Variants in MCC observed in about 807,000 individuals in gnomAD.
MCC encodes colorectal mutant cancer protein.
A neutral mutation model predicts 116.2 loss-of-function variants in MCC; 90 were observed. That is an observed-to-expected ratio of 0.77 (90% confidence interval 0.65 to 0.92). The LOEUF (loss-of-function observed/expected upper bound fraction) is 0.92, where lower values mean the gene tolerates loss of function less well. MCC is among the 40% of genes least tolerant of loss of function. MCC has a pLI of 0.00. For missense variants in MCC, 1,516 were observed against 1,312.2 expected (o/e 1.16, Z -2.40); for synonymous variants, 578 against 510.5 (o/e 1.13, Z -1.78).
At chr5:113,487,156 A>AT (rs572872416) in intron 1 of MCC, among the ~76,000 whole-genome samples, 137 of 151,138 alleles carry the variant, frequency 9.1e-4, no homozygotes, top group African/African-American at 3.0e-3. Flanking sequence ...CAAATAAATA[A>AT]TTTTTTTTAT....
chr5:113,129,974 C>A (rs1417595085), intron 5 of MCC, among the ~76,000 whole-genome samples: 1 of 152,180 alleles, frequency 6.6e-6, no homozygotes, highest in Non-Finnish European at 1.5e-5. Context: ...ACCCAGCAAT[C>A]CCATTACTGG....
chr5:113,267,492 C>T (rs1019598533), intron 3 of MCC, among the ~76,000 whole-genome samples: 1 of 152,168 alleles, frequency 6.6e-6, no homozygotes, highest in Non-Finnish European at 1.5e-5. Flanking sequence ...CTATCATTCC[C>T]ATTTAATAGG....
At chr5:113,027,982 C>T (rs1470367429) in intron 18 of MCC, among the ~76,000 whole-genome samples, 1 of 152,148 alleles carries the variant, frequency 6.6e-6, no homozygotes, top group Non-Finnish European at 1.5e-5. Flanking sequence ...TTAAATTAGG[C>T]CATAAGCCAA....
chr5:113,211,483 C>T (rs1253036864), intron 3 of MCC, among the ~76,000 whole-genome samples: 1 of 152,198 alleles, frequency 6.6e-6, no homozygotes, highest in Non-Finnish European at 1.5e-5. Context: ...TGTAATGGTG[C>T]CCACAGCTTG....
chr5:113,369,642 C>A (rs562618968), intron 2 of MCC, among the ~76,000 whole-genome samples: 149 of 152,198 alleles, frequency 9.8e-4, no homozygotes, highest in Non-Finnish European at 1.6e-3. Context: ...GTTGTTTCCA[C>A]CTTTGGGCTA....
Position 113,434,458 on chromosome 5 carries a change from G to C in MCC, c.171-49246C>G, listed in dbSNP as rs1263228854. The C allele has an allele frequency of 6.2e-7, 1 of 1,613,698 alleles. No individual in the cohort carries two copies. The highest frequency in any genetic ancestry group is 1.7e-5 in the Admixed American group (1 of 59,984). On this transcript the variant is annotated intron_variant, in intron 1 of 18. Coordinates refer to ENST00000408903, the MANE Select transcript of MCC (RefSeq NM_001085377.2). The surrounding 1 kb of genome is among the most constrained non-coding windows in gnomAD (Gnocchi z 4.2). ...TCCCGGTGGACGACGTCCAGGTCGTGGCAGTACTTGATGGCCAAGGAAAGC... is the reference window on the plus strand; with the variant it reads ...TCCCGGTGGACGACGTCCAGGTCGTCGCAGTACTTGATGGCCAAGGAAAGC...
chr5:113,067,985 G>T (rs1323628062), intron 13 of MCC, 95 bp downstream of exon 13: 1 of 1,074,748 alleles, frequency 9.3e-7, no homozygotes, highest in Non-Finnish European at 1.4e-6. Flanking sequence ...ATTTTGTGTT[G>T]TCGGGAGATG....
chr5:113,025,969 T>C lies in MCC; in HGVS notation c.*1333A>G. ...CACATTTTTCATAGGGAACTTTGGATGGATTCTCTGGTGCTACAGAAAAAA... is the reference window on the plus strand; with the variant it reads ...CACATTTTTCATAGGGAACTTTGGACGGATTCTCTGGTGCTACAGAAAAAA... On this transcript the variant is annotated 3_prime_UTR_variant, in exon 19 of 19. Coordinates refer to ENST00000408903, the MANE Select transcript of MCC (RefSeq NM_001085377.2). 6.6e-6 allele frequency: 1 copy of C among 152,344 alleles called. No homozygotes were observed. Among genetic ancestry groups the C allele is most frequent in the Non-Finnish European group, 1.5e-5 (1 of 68,040 alleles). The allele number at this position is 152,344 out of a possible 1,614,324, so 9.4% of individuals were successfully genotyped here.
chr5:113,247,343 C>T (rs1454061304), intron 3 of MCC, among the ~76,000 whole-genome samples: 1 of 152,090 alleles, frequency 6.6e-6, no homozygotes, highest in Non-Finnish European at 1.5e-5. Flanking sequence ...TATAGCACCC[C>T]CAGCACACAA....
intron 1 of MCC, chr5:113,436,915 C>A (rs997579870): frequency 7.2e-5 from 11 of 152,270 alleles, no homozygotes; most frequent in African/African-American, 2.6e-4. Context: ...AGTTGTCCCT[C>A]CTTTTCTGAC....
At chr5:113,135,827 T>C (rs1344846851) in intron 5 of MCC, among the ~76,000 whole-genome samples, 1 of 152,082 alleles carries the variant, frequency 6.6e-6, no homozygotes, top group Non-Finnish European at 1.5e-5. Context: ...GCAGATCACC[T>C]GAGGCCAGGA....
At chr5:113,365,997 C>A (rs569830997) in intron 2 of MCC, among the ~76,000 whole-genome samples, 2 of 152,314 alleles carry the variant, frequency 1.3e-5, no homozygotes, top group East Asian at 3.9e-4. Flanking sequence ...TACAATTCAA[C>A]ATGAGATTTG....
chr5:113,396,170 A>T (rs1315286445), intron 1 of MCC, among the ~76,000 whole-genome samples: 1 of 152,184 alleles, frequency 6.6e-6, no homozygotes, highest in African/African-American at 2.4e-5. Context: ...TCCACAAAAA[A>T]TACAAACATT....
At chr5:113,044,601 T>C in intron 16 of MCC, 1 of 426,746 alleles carries the variant, frequency 2.3e-6, no homozygotes, top group Non-Finnish European at 3.1e-6. Context: ...TGAGATGGAG[T>C]TTTGCTCTCG....
At position 113,323,103 on chromosome 5, in the gene MCC, C is replaced by T. The variant is rs1767467122; in HGVS notation, c.627+17416G>A. ...CACATCATGAGGAACTAACCAAGCA[C>T]TAACTTGCCTGGTGTTTCAATAGGC... On this transcript the variant is annotated intron_variant, in intron 3 of 18. Transcript: ENST00000408903. 3 of 152,340 alleles carry T rather than the reference C, an allele frequency of 2.0e-5. No homozygotes were observed. The South Asian group carries it at 6.2e-4, about 32-fold the overall frequency. The allele number at this position is 152,340 out of a possible 1,614,324, so 9.4% of individuals were successfully genotyped here.
At chr5:113,294,543 C>A (rs759300338) in intron 3 of MCC, 125 of 1,424,382 alleles carry the variant, frequency 8.8e-5, no homozygotes, top group Non-Finnish European at 1.1e-4. Context: ...ACGGAGGATG[C>A]AGGCACTCTT....
intron 5 of MCC, among the ~76,000 whole-genome samples, chr5:113,130,835 C>A (rs1208446489): frequency 6.6e-6 from 1 of 152,196 alleles, no homozygotes; most frequent in Non-Finnish European, 1.5e-5. Flanking sequence ...GTACAGCCTG[C>A]AGAACTGTGA....
At chr5:113,437,459 T>C (rs2150414152) in intron 1 of MCC, among the ~76,000 whole-genome samples, 1 of 152,304 alleles carries the variant, frequency 6.6e-6, no homozygotes, top group East Asian at 1.9e-4. Flanking sequence ...GACAATGAGG[T>C]ATGAGGTATT....
chr5:113,135,558 C>CAAAA (rs11377680), intron 5 of MCC, among the ~76,000 whole-genome samples: 3 of 102,646 alleles, frequency 2.9e-5, no homozygotes, highest in Non-Finnish European at 5.7e-5. Flanking sequence ...GACTCTGTCT[C>CAAAA]AAAAAAAAAA....
Sources: gnomAD v4.1 joint callset for allele counts (sites outside exome capture counted in the v4.1 genomes callset) on GRCh38, gnomAD v4.1.1 for gene constraint, Gnocchi (gnomAD v3.1) non-coding constraint, MANE v1.5 for transcripts, NCBI Gene and HGNC (gene_info 2026-07-23, HGNC 2026-07-21) for gene names.